The following PLPP4 variants were observed in gnomAD, a reference collection of about 807,000 sequenced individuals.
PLPP4 encodes diacylglycerol pyrophosphate like 2.
A neutral mutation model predicts 32.2 loss-of-function variants in PLPP4; 20 were observed. The ratio of observed to expected loss-of-function variants is 0.62; its 90% confidence interval spans 0.44 to 0.90. PLPP4 has a LOEUF of 0.90. Among genes scored for constraint, PLPP4 ranks in the 40% least tolerant of loss-of-function variants. PLPP4 has a pLI of 0.00. For synonymous variants in PLPP4, 127 were observed against 133.0 expected (o/e 0.95, Z 0.31); for missense variants, 257 against 353.1 (o/e 0.73, Z 2.18).
intron 1 of PLPP4, among the ~76,000 whole-genome samples, chr10:120,463,127 A>C (rs998904285): frequency 2.7e-5 from 4 of 145,880 alleles, no homozygotes; most frequent in Non-Finnish European, 5.9e-5. Flanking sequence ...TCCTGGGTTC[A>C]TGCCATTCTC....
chr10:120,565,882 TA>T (rs1848670812), intron 5 of PLPP4, among the ~76,000 whole-genome samples: 1 of 152,174 alleles, frequency 6.6e-6, no homozygotes, highest in South Asian at 2.1e-4. Flanking sequence ...TATGTCTTTT[TA>T]AATTTTTAAC....
chr10:120,559,118 T>C (rs1441637974), intron 5 of PLPP4, among the ~76,000 whole-genome samples: 2 of 152,214 alleles, frequency 1.3e-5, no homozygotes, highest in Non-Finnish European at 2.9e-5. Context: ...GATCATTCAT[T>C]AGTTTAATGG....
In PLPP4 at chr10:120,501,003, G is replaced by A. The variant is rs116398202; in HGVS notation, c.57-2815G>A. ...CCCAGAATAGGAAGTTGAGGTAAGA[G>A]GGGAGAGACTGTGTCCTGTTATAAG... On this transcript the variant is annotated intron_variant, in intron 1 of 6. Transcript: ENST00000398250. Among the ~76,000 whole-genome samples, 206 of 152,234 alleles carry A rather than the reference G, an allele frequency of 1.4e-3. 1 individual carries two copies. The highest frequency in any genetic ancestry group is 4.8e-3 in the African/African-American group (200 of 41,538).
intron 5 of PLPP4, among the ~76,000 whole-genome samples, chr10:120,528,762 A>G (rs995687432): frequency 5.3e-5 from 8 of 152,146 alleles, no homozygotes; most frequent in African/African-American, 7.2e-5. Flanking sequence ...TTGGAGGGCA[A>G]TGTTTCTCAA....
intron 2 of PLPP4, among the ~76,000 whole-genome samples, chr10:120,504,396 G>A (rs763368503): frequency 2.6e-5 from 4 of 152,172 alleles, no homozygotes; most frequent in Non-Finnish European, 5.9e-5. Context: ...TAAAGGCAAG[G>A]GAGAACAAAG....
chr10:120,585,809 G>A (rs1344235452), intron 6 of PLPP4, among the ~76,000 whole-genome samples: 1 of 152,132 alleles, frequency 6.6e-6, no homozygotes, highest in East Asian at 1.9e-4. Flanking sequence ...TCTTGGGAAT[G>A]GATCTGCTGC....
Position 120,589,583 on chromosome 10 carries a change from G to A in PLPP4, c.*81G>A. The A allele has an allele frequency of 5.3e-6, 6 of 1,122,958 alleles. No individual in the cohort carries two copies. Among genetic ancestry groups the A allele is most frequent in the South Asian group, 1.6e-5 (1 of 64,214 alleles). The allele number at this position is 1,122,958 out of a possible 1,614,324, so 69.6% of individuals were successfully genotyped here. On this transcript the variant is annotated 3_prime_UTR_variant, in exon 7 of 7. Transcript: ENST00000398250. ...CATAACACAATAGAAATGGTTTTCT[G>A]TAGTGTATTTTTCATCAGTTGTTTC...
intron 1 of PLPP4, among the ~76,000 whole-genome samples, chr10:120,490,149 C>T (rs1844650080): frequency 6.6e-6 from 1 of 152,284 alleles, no homozygotes; most frequent in South Asian, 2.1e-4. Context: ...TCATAAAGTC[C>T]GGTTGTACCA....
At chr10:120,574,637 C>T (rs1849127159) in intron 5 of PLPP4, among the ~76,000 whole-genome samples, 1 of 152,228 alleles carries the variant, frequency 6.6e-6, no homozygotes, top group South Asian at 2.1e-4. Context: ...AGCCAAAAAC[C>T]TGGGGCTGAT....
intron 6 of PLPP4, chr10:120,587,600 C>T (rs1849821135): frequency 6.6e-6 from 1 of 152,294 alleles, no homozygotes; most frequent in African/African-American, 2.4e-5. Context: ...ATGAAAGATA[C>T]TGAAATATGA....
At chr10:120,502,905 C>T (rs1308915785) in intron 1 of PLPP4, among the ~76,000 whole-genome samples, 1 of 152,210 alleles carries the variant, frequency 6.6e-6, no homozygotes, top group Non-Finnish European at 1.5e-5. Context: ...CGCTCCTCAT[C>T]TTGGATCATG....
intron 5 of PLPP4, among the ~76,000 whole-genome samples, chr10:120,539,172 C>T (rs1847219522): frequency 6.6e-6 from 1 of 152,164 alleles, no homozygotes; most frequent in Non-Finnish European, 1.5e-5. Context: ...CTGCTGGCTG[C>T]CAGAACCCAT....
intron 3 of PLPP4, among the ~76,000 whole-genome samples, chr10:120,516,007 A>T (rs1033114876): frequency 6.6e-6 from 1 of 152,210 alleles, no homozygotes; most frequent in African/African-American, 2.4e-5. Flanking sequence ...AAAATTGAAC[A>T]TCATACTCTG....
chr10:120,570,631 A>C (rs575213324), intron 5 of PLPP4, among the ~76,000 whole-genome samples: 3 of 152,268 alleles, frequency 2.0e-5, no homozygotes, highest in African/African-American at 7.2e-5. Flanking sequence ...TTGGTTTAAG[A>C]GTCAACTGGG....
At chr10:120,482,249 G>C (rs1844240126) in intron 1 of PLPP4, among the ~76,000 whole-genome samples, 2 of 152,146 alleles carry the variant, frequency 1.3e-5, no homozygotes, top group South Asian at 4.1e-4. Context: ...AGGAAAATGT[G>C]GGAAAGTTTG....
intron 1 of PLPP4, among the ~76,000 whole-genome samples, chr10:120,474,006 A>G (rs1843781721): frequency 6.6e-6 from 1 of 152,044 alleles, no homozygotes; most frequent in South Asian, 2.1e-4. Context: ...TCTTTGTTGT[A>G]TTATGTATTT....
chr10:120,544,015 G>A (rs932546100), intron 5 of PLPP4, among the ~76,000 whole-genome samples: 8 of 152,156 alleles, frequency 5.3e-5, no homozygotes, highest in Admixed American at 2.0e-4. Context: ...CATTCATCCA[G>A]CAGTGTACAC....
chr10:120,458,130 C>G (rs1185359097), intron 1 of PLPP4, among the ~76,000 whole-genome samples: 1 of 152,198 alleles, frequency 6.6e-6, no homozygotes, highest in Non-Finnish European at 1.5e-5. Context: ...ACCCACCGCT[C>G]ATTGACTTCC....
chr10:120,517,688 C>T (rs148820174), intron 3 of PLPP4, among the ~76,000 whole-genome samples: 1 of 152,272 alleles, frequency 6.6e-6, no homozygotes, highest in African/African-American at 2.4e-5. Flanking sequence ...TGAATGTGTC[C>T]CTCCCATTCT....
Sources: allele counts gnomAD v4.1 joint callset (sites outside exome capture counted in the v4.1 genomes callset), GRCh38; gene constraint gnomAD v4.1.1; transcripts MANE v1.5; gene names NCBI Gene and HGNC (gene_info 2026-07-23, HGNC 2026-07-21).